SNX24: variants seen among roughly 807,000 people sequenced by gnomAD.
SNX24 encodes the protein sorting nexin 24.
A neutral mutation model predicts 28.7 loss-of-function variants in SNX24; 22 were observed. The observed-to-expected ratio is 0.77, with a 90% CI of 0.55 to 1.10. SNX24 has a LOEUF of 1.10. Among genes scored for constraint, SNX24 ranks in the 50% least tolerant of loss-of-function variants. The pLI, the probability that SNX24 is intolerant of heterozygous loss-of-function variation, is 0.00. For synonymous variants in SNX24, 69 were observed against 71.5 expected, an observed-to-expected ratio of 0.96 and a Z score of 0.18; for missense variants, 221 against 201.1, an observed-to-expected ratio of 1.10 and a Z score of -0.60.
rs547028529 is a variant in SNX24, at chr5:122,864,349, A to G, written c.60+18656A>G. 6.6e-5 allele frequency among the ~76,000 whole-genome samples: 10 copies of G among 152,304 alleles called. No homozygotes were observed. In the South Asian group the frequency reaches 2.1e-3, roughly 32 times the overall value. On this transcript the variant is annotated intron_variant, in intron 1 of 6. Coordinates refer to ENST00000261369, the MANE Select transcript of SNX24 (RefSeq NM_014035.4). The stretch of plus-strand genomic sequence containing the variant: ...AAAGTGACGAACAAGGGTGACTCCC[A>G]AGGTTTTTAGCCTGAAAAAAGGGAA...
chr5:123,009,573 A>T (rs949639372), downstream of SNX24, among the ~76,000 whole-genome samples: 6 of 152,216 alleles, frequency 3.9e-5, no homozygotes, highest in African/African-American at 9.6e-5. Flanking sequence ...ACATCATAAG[A>T]TTTGCAGGAG....
At chr5:123,012,608 T>C (rs1186925653), downstream of SNX24, among the ~76,000 whole-genome samples, 1 of 152,234 alleles carries the variant, frequency 6.6e-6, no homozygotes, top group Non-Finnish European at 1.5e-5. Context: ...TGTAATGTAC[T>C]TAATGCCATA....
At chr5:122,878,619 T>C (rs2150058402) in intron 1 of SNX24, among the ~76,000 whole-genome samples, 1 of 152,160 alleles carries the variant, frequency 6.6e-6, no homozygotes, top group Middle Eastern at 3.4e-3. Flanking sequence ...CTGCTGTTCT[T>C]GGAGTTGTTT....
At chr5:122,913,607 G>T (rs1356745722) in intron 1 of SNX24, among the ~76,000 whole-genome samples, 1 of 151,454 alleles carries the variant, frequency 6.6e-6, no homozygotes, top group Non-Finnish European at 1.5e-5. Flanking sequence ...CGGGCGGAGG[G>T]TCTCCTCACT....
intron 1 of SNX24, among the ~76,000 whole-genome samples, chr5:122,881,600 T>G (rs531916186): frequency 3.2e-4 from 49 of 152,282 alleles, no homozygotes; most frequent in African/African-American, 1.2e-3. Flanking sequence ...TTAGCGTGCT[T>G]GACTCTGGGC....
intron 5 of SNX24, among the ~76,000 whole-genome samples, chr5:123,020,697 A>C (rs1762749042): frequency 6.6e-6 from 1 of 152,256 alleles, no homozygotes; most frequent in Non-Finnish European, 1.5e-5. Flanking sequence ...AAAATGTATT[A>C]GTTTACGCAG....
chr5:122,998,082 G>T (rs1028939150), intron 3 of SNX24: 6 of 152,076 alleles, frequency 3.9e-5, no homozygotes, highest in Admixed American at 1.3e-4. Context: ...GGTAAAAACT[G>T]AGATGAAAGT....
intron 1 of SNX24, among the ~76,000 whole-genome samples, chr5:122,912,501 C>T (rs1757935343): frequency 1.3e-5 from 2 of 152,148 alleles, no homozygotes; most frequent in African/African-American, 2.4e-5. Flanking sequence ...GAACTTCCAA[C>T]ACTATGTTGA....
At chr5:122,916,995 G>A (rs891833011) in intron 1 of SNX24, among the ~76,000 whole-genome samples, 14 of 152,120 alleles carry the variant, frequency 9.2e-5, no homozygotes, top group South Asian at 4.1e-4. Flanking sequence ...TGGGCTGGGC[G>A]CGGTGGCTCA....
At chr5:122,994,643 T>C (rs1283531872) in intron 3 of SNX24, among the ~76,000 whole-genome samples, 1 of 152,220 alleles carries the variant, frequency 6.6e-6, no homozygotes, top group African/African-American at 2.4e-5. Context: ...AAAGAGCATT[T>C]CTTCTGAAGT....
intron 1 of SNX24, among the ~76,000 whole-genome samples, chr5:122,925,094 C>T (rs951255182): frequency 2.8e-5 from 4 of 140,848 alleles, no homozygotes; most frequent in African/African-American, 1.1e-4. Context: ...TCCCTCTCCT[C>T]CTTCCCTCTC....
intron 1 of SNX24, among the ~76,000 whole-genome samples, chr5:122,912,193 G>T (rs1370516267): frequency 7.3e-6 from 1 of 137,724 alleles, no homozygotes; most frequent in Non-Finnish European, 1.5e-5. Flanking sequence ...CACGTCCCTT[G>T]TAAGTTGGAT....
At chr5:122,857,510 T>C (rs1755251844) in intron 1 of SNX24, among the ~76,000 whole-genome samples, 1 of 151,998 alleles carries the variant, frequency 6.6e-6, no homozygotes. Context: ...ATCATCCGGG[T>C]ACTAAACCTA....
chr5:122,880,517 C>G (rs1055891956), intron 1 of SNX24, among the ~76,000 whole-genome samples: 1 of 152,148 alleles, frequency 6.6e-6, no homozygotes, highest in Admixed American at 6.5e-5. Context: ...ATGAACCTGC[C>G]TGCCTGCTTA....
intron 3 of SNX24, among the ~76,000 whole-genome samples, chr5:122,978,077 C>T (rs960637153): frequency 6.6e-6 from 1 of 151,956 alleles, no homozygotes; most frequent in African/African-American, 2.4e-5. Flanking sequence ...TTCTTTTCTC[C>T]TATATAACAA....
intron 3 of SNX24, among the ~76,000 whole-genome samples, chr5:122,963,028 G>C (rs1208436966): frequency 6.6e-6 from 1 of 152,104 alleles, no homozygotes; most frequent in Non-Finnish European, 1.5e-5. Context: ...GAAGTCAGGA[G>C]TTTGAGATCA....
At chr5:123,018,927 C>T (rs1416090979) in intron 5 of SNX24, among the ~76,000 whole-genome samples, 3 of 152,054 alleles carry the variant, frequency 2.0e-5, no homozygotes, top group Non-Finnish European at 4.4e-5. Context: ...CCTTGTGATC[C>T]GCCCGCCTCG....
Position 122,954,053 on chromosome 5 carries a change from C to T in SNX24, c.249+7894C>T, listed in dbSNP as rs115042161. On this transcript the variant is annotated intron_variant, in intron 3 of 6. Coordinates refer to ENST00000261369, the MANE Select transcript of SNX24 (RefSeq NM_014035.4). The stretch of plus-strand genomic sequence containing the variant: ...TTAAATTATACAGTATGATATGTAC[C>T]GTTGGGTCAGTAGTCCACAGTGGGT... Among the ~76,000 whole-genome samples, 1,216 of 152,144 alleles carry T rather than the reference C, an allele frequency of 8.0e-3. 6 individuals carry two copies. The highest frequency in any genetic ancestry group is 0.014 in the Non-Finnish European group (927 of 67,992).
intron 1 of SNX24, among the ~76,000 whole-genome samples, chr5:122,907,465 AC>A (rs1342687508): frequency 6.6e-6 from 1 of 152,096 alleles, no homozygotes; most frequent in Non-Finnish European, 1.5e-5. Flanking sequence ...GCATTCTTTC[AC>A]CTAGGAGTCA....
Sources: allele counts gnomAD v4.1 joint callset (sites outside exome capture counted in the v4.1 genomes callset), GRCh38; gene constraint gnomAD v4.1.1; transcripts MANE v1.5; gene names NCBI Gene and HGNC (gene_info 2026-07-23, HGNC 2026-07-21).